The following JARID2 variants were observed in gnomAD, a reference collection of about 807,000 sequenced individuals.
The protein encoded by JARID2 is protein Jumonji.
JARID2 carries 21 observed loss-of-function variants against 125.6 expected under a neutral mutation model. The ratio of observed to expected loss-of-function variants is 0.17; its 90% confidence interval spans 0.12 to 0.24. The LOEUF (loss-of-function observed/expected upper bound fraction) is 0.24. Among genes scored for constraint, JARID2 ranks in the 10% least tolerant of loss-of-function variants. The pLI is 1.00. For synonymous variants in JARID2, 736 were observed against 661.6 expected (o/e 1.11, Z -1.73); for missense variants, 1,303 against 1,639.6 (o/e 0.79, Z 3.55).
At chr6:15,320,466 G>A (rs1254556378) in intron 1 of JARID2, among the ~76,000 whole-genome samples, 1 of 152,200 alleles carries the variant, frequency 6.6e-6, no homozygotes, top group East Asian at 1.9e-4. Context: ...GTAGCTTTGG[G>A]GGATTTAAGT....
At chr6:15,414,642 A>G (rs1441904705) in intron 3 of JARID2, among the ~76,000 whole-genome samples, 1 of 152,194 alleles carries the variant, frequency 6.6e-6, no homozygotes, top group African/African-American at 2.4e-5. Flanking sequence ...TGTTCACGGA[A>G]AGGGCAGCCC....
intron 1 of JARID2, among the ~76,000 whole-genome samples, chr6:15,276,221 C>CT (rs1668923194): frequency 4.6e-5 from 7 of 152,102 alleles, no homozygotes; most frequent in Admixed American, 4.6e-4. Flanking sequence ...GTGTTAGTGC[C>CT]TCTCCTCCCC....
rs775113990 is a variant in JARID2, at chr6:15,517,263, G to C, written c.3553G>C (p.Asp1185His). The C allele has an allele frequency of 6.2e-7, 1 of 1,611,558 alleles. No homozygotes were observed. The highest frequency in any genetic ancestry group is 8.5e-7 in the Non-Finnish European group (1 of 1,177,706). Residue 1185 changes from aspartate to histidine, a missense_variant, in exon 17 of 18, where the codon GAT becomes CAT. Around this residue, in one of 11 missense-constraint regions of JARID2, gnomAD observed 190 missense variants for 341.4 expected, o/e 0.56. Coordinates refer to ENST00000341776, the MANE Select transcript of JARID2 (RefSeq NM_004973.4). ...AGGGCTGAAGTTGATGTACCGCTAC[G>C]ATGAGGTCAGTCCCTGCCCGCGGGG... ...CRGLKLMYRYDEEQIISLVNQ... is the reference protein window; with the variant it reads ...CRGLKLMYRYHEEQIISLVNQ...
chr6:15,433,945 TG>T (rs1767088329), intron 3 of JARID2, among the ~76,000 whole-genome samples: 1 of 150,594 alleles, frequency 6.6e-6, no homozygotes, highest in Non-Finnish European at 1.5e-5. Context: ...TGTGTGTGTG[TG>T]TGTGTGTGTG....
chr6:15,517,319 TG>T, intron 17 of JARID2, 51 bp downstream of exon 17: 2 of 1,293,144 alleles, frequency 1.5e-6, no homozygotes, highest in Non-Finnish European at 2.2e-6. Context: ...GCGCCTTCCC[TG>T]CTCCCGGCTG....
intron 2 of JARID2, among the ~76,000 whole-genome samples, chr6:15,385,497 A>AT (rs1161505504): frequency 6.0e-5 from 9 of 150,730 alleles, no homozygotes; most frequent in African/African-American, 1.9e-4. Context: ...TTTTTAATAG[A>AT]TTTTTTAAGA....
At chr6:15,285,878 G>GGCATAAAACA (rs369023646) in intron 1 of JARID2, among the ~76,000 whole-genome samples, 8,178 of 152,236 alleles carry the variant, frequency 0.054, 340 homozygotes, top group Admixed American at 0.11. Context: ...CATGCATTAT[G>GGCATAAAACA]TATCACACTT....
chr6:15,279,045 C>G (rs1456641779), intron 1 of JARID2, among the ~76,000 whole-genome samples: 1 of 151,274 alleles, frequency 6.6e-6, no homozygotes, highest in Non-Finnish European at 1.5e-5. Context: ...GAGCCAAGAT[C>G]GCACCACTGC....
At chr6:15,429,471 G>A (rs1413431600) in intron 3 of JARID2, among the ~76,000 whole-genome samples, 2 of 151,946 alleles carry the variant, frequency 1.3e-5, no homozygotes, top group African/African-American at 2.4e-5. Context: ...TCAGTGTGTT[G>A]CCTGGGCTGG....
At chr6:15,355,613 C>A (rs2127487797) in intron 1 of JARID2, among the ~76,000 whole-genome samples, 1 of 150,632 alleles carries the variant, frequency 6.6e-6, no homozygotes, top group South Asian at 2.1e-4. Context: ...CTTCCTTCCT[C>A]TTGCTTTTTT....
intron 1 of JARID2, among the ~76,000 whole-genome samples, chr6:15,269,575 T>TA (rs974931230): frequency 6.7e-6 from 1 of 148,386 alleles, no homozygotes; most frequent in African/African-American, 2.5e-5. Flanking sequence ...TTTTAAAATT[T>TA]TTTTTTTTTT....
intron 4 of JARID2, among the ~76,000 whole-genome samples, chr6:15,466,100 A>C (rs2127671334): frequency 6.6e-6 from 1 of 152,274 alleles, no homozygotes; most frequent in East Asian, 1.9e-4. Flanking sequence ...CACCACGCCC[A>C]GCCTTATTGC....
At chr6:15,516,219 C>T (rs539406165) in intron 16 of JARID2, among the ~76,000 whole-genome samples, 72 of 152,356 alleles carry the variant, frequency 4.7e-4, no homozygotes, top group African/African-American at 1.7e-3. Context: ...TGCTTAGAAA[C>T]ACCGCAGACG....
At chr6:15,459,727 AC>A (rs1403181824) in intron 4 of JARID2, among the ~76,000 whole-genome samples, 2 of 152,206 alleles carry the variant, frequency 1.3e-5, no homozygotes, top group East Asian at 3.8e-4. Context: ...TTGGCAAGGA[AC>A]ACATATTTTG....
At chr6:15,410,481 A>G (rs1170761005) in intron 3 of JARID2, 116 bp downstream of exon 3, 1 of 966,008 alleles carries the variant, frequency 1.0e-6, no homozygotes, top group Non-Finnish European at 1.6e-6. Flanking sequence ...ATTTTCATAG[A>G]GGAGCCAGAA....
chr6:15,446,161 A>C (rs561683089), intron 3 of JARID2, among the ~76,000 whole-genome samples: 1 of 152,166 alleles, frequency 6.6e-6, no homozygotes, highest in Non-Finnish European at 1.5e-5. Context: ...GGGTTGTATA[A>C]TTCTCAGCAA....
chr6:15,263,715 C>G (rs1759974570), intron 1 of JARID2, among the ~76,000 whole-genome samples: 2 of 151,838 alleles, frequency 1.3e-5, no homozygotes, highest in South Asian at 4.2e-4. Context: ...GCCTCAGCCT[C>G]CAGAGTAGCC....
chr6:15,288,287 TCA>T lies in JARID2; in HGVS notation c.45+41706_45+41707del. 1.4e-5 allele frequency among the ~76,000 whole-genome samples: 2 copies of T among 147,040 alleles called. 1 individual carries two copies. The highest frequency in any genetic ancestry group is 3.0e-5 in the Non-Finnish European group (2 of 67,020). Reference sequence around the variant, plus strand: ...GGTGGGAGGGGTGGGAGCAGGCACCTCACATGGTCAGGAGGTGGGGGTTGGAG... The same window carrying T: ...GGTGGGAGGGGTGGGAGCAGGCACCTCATGGTCAGGAGGTGGGGGTTGGAG... On this transcript the variant is annotated intron_variant, in intron 1 of 17. Coordinates refer to ENST00000341776, the MANE Select transcript of JARID2 (RefSeq NM_004973.4).
At chr6:15,262,968 G>A (rs1454523247) in intron 1 of JARID2, among the ~76,000 whole-genome samples, 2 of 152,154 alleles carry the variant, frequency 1.3e-5, no homozygotes, top group African/African-American at 2.4e-5. Context: ...CTGTCATTAA[G>A]CTGTGTTTCA....
Sources: allele counts gnomAD v4.1 joint callset (sites outside exome capture counted in the v4.1 genomes callset), GRCh38; gene constraint gnomAD v4.1.1; regional missense constraint gnomAD v4.1.1; transcripts MANE v1.5; gene names NCBI Gene and HGNC (gene_info 2026-07-23, HGNC 2026-07-21).